The following PCMTD1 variants were observed in gnomAD, a reference collection of about 807,000 sequenced individuals.
PCMTD1 encodes protein-L-isoaspartate (D-aspartate) O-methyltransferase domain containing 1.
Under a neutral mutation model 37.6 loss-of-function variants are expected in PCMTD1, and 12 were observed. That is an observed-to-expected ratio of 0.32 (90% CI 0.20 to 0.52). The LOEUF is 0.52. Among genes scored for constraint, PCMTD1 ranks in the 20% least tolerant of loss-of-function variants. The probability of loss-of-function intolerance (pLI) is 0.97; values close to 1 mark genes in which losing one functional copy is unlikely to be tolerated. For synonymous variants in PCMTD1, 117 were observed against 135.8 expected (o/e 0.86, Z 0.96); for missense variants, 235 against 421.3 (o/e 0.56, Z 3.87).
intron 1 of PCMTD1, chr8:51,895,938 C>CTTTTTTTTT (rs869265261): frequency 7.8e-5 from 2 of 25,736 alleles, no homozygotes; most frequent in African/African-American, 5.8e-5. Flanking sequence ...TGTCCCATTT[C>CTTTTTTTTT]TTTTTTTTTT....
intron 1 of PCMTD1, among the ~76,000 whole-genome samples, chr8:51,869,362 G>C (rs542640570): frequency 6.6e-6 from 1 of 152,138 alleles, no homozygotes; most frequent in Non-Finnish European, 1.5e-5. Context: ...CGGTTCCACA[G>C]ATAACTTTGC....
At chr8:51,853,606 G>A (rs2129283971) in intron 2 of PCMTD1, among the ~76,000 whole-genome samples, 1 of 152,188 alleles carries the variant, frequency 6.6e-6, no homozygotes, top group South Asian at 2.1e-4. Context: ...AGGAAGATAT[G>A]TACATACATA....
intron 3 of PCMTD1, among the ~76,000 whole-genome samples, chr8:51,837,559 G>C (rs2038085612): frequency 6.6e-6 from 1 of 151,946 alleles, no homozygotes; most frequent in Admixed American, 6.6e-5. Flanking sequence ...TTTAAATATG[G>C]CTTAACCTTT....
chr8:51,860,401 T>C (rs2038454270), intron 2 of PCMTD1: 1 of 156,546 alleles, frequency 6.4e-6, no homozygotes, highest in Non-Finnish European at 1.4e-5. Context: ...TATACTTCTT[T>C]CTTCTCTATT....
intron 3 of PCMTD1, among the ~76,000 whole-genome samples, chr8:51,838,133 A>C (rs1585798235): frequency 6.6e-6 from 1 of 152,084 alleles, no homozygotes; most frequent in Admixed American, 6.6e-5. Context: ...ATTCATACCA[A>C]TCAGGTTATA....
intron 1 of PCMTD1, among the ~76,000 whole-genome samples, chr8:51,871,229 A>G (rs1261216872): frequency 6.6e-6 from 1 of 152,220 alleles, no homozygotes; most frequent in East Asian, 1.9e-4. Flanking sequence ...TCCTGAAGTG[A>G]GAGGTGTCTA....
At chr8:51,853,969 A>C (rs773002370) in intron 2 of PCMTD1, among the ~76,000 whole-genome samples, 1 of 152,340 alleles carries the variant, frequency 6.6e-6, no homozygotes, top group East Asian at 1.9e-4. Flanking sequence ...GGCAGTTCAA[A>C]TAAGTATTAG....
intron 1 of PCMTD1, among the ~76,000 whole-genome samples, chr8:51,869,168 A>C (rs1477113777): frequency 6.6e-6 from 1 of 152,198 alleles, no homozygotes; most frequent in Non-Finnish European, 1.5e-5. Context: ...TGTAGTGAAT[A>C]CTGTGATAAT....
intron 1 of PCMTD1, among the ~76,000 whole-genome samples, chr8:51,879,832 G>C (rs2038766922): frequency 6.6e-6 from 1 of 152,006 alleles, no homozygotes; most frequent in African/African-American, 2.4e-5. Context: ...TGTGGCAAAG[G>C]GTTGATAGCC....
At chr8:51,871,737 A>G (rs1010609311) in intron 1 of PCMTD1, among the ~76,000 whole-genome samples, 2 of 152,202 alleles carry the variant, frequency 1.3e-5, no homozygotes, top group Non-Finnish European at 2.9e-5. Context: ...AAAACACATG[A>G]AAGTTATAGT....
chr8:51,847,878 G>C (rs1408406753), intron 2 of PCMTD1, among the ~76,000 whole-genome samples: 1 of 151,762 alleles, frequency 6.6e-6, no homozygotes, highest in Non-Finnish European at 1.5e-5. Flanking sequence ...AGGACTTCGA[G>C]ACCAGCCTGG....
chr8:51,838,456 C>G (rs924786778), intron 3 of PCMTD1, among the ~76,000 whole-genome samples: 1 of 151,912 alleles, frequency 6.6e-6, no homozygotes, highest in Non-Finnish European at 1.5e-5. Context: ...GGCCACTGCA[C>G]TCCAGCCTGT....
chr8:51,881,172 G>A (rs577998495), intron 1 of PCMTD1, among the ~76,000 whole-genome samples: 1 of 152,126 alleles, frequency 6.6e-6, no homozygotes, highest in Admixed American at 6.5e-5. Context: ...TCTGATCATG[G>A]AACAAGCCAA....
chr8:51,876,852 C>T (rs141747821), intron 1 of PCMTD1, among the ~76,000 whole-genome samples: 22 of 152,248 alleles, frequency 1.4e-4, no homozygotes, highest in South Asian at 2.1e-4. Context: ...AGAATGGCAA[C>T]TAATAAATGT....
intron 3 of PCMTD1, among the ~76,000 whole-genome samples, chr8:51,838,190 A>G (rs986394886): frequency 6.6e-6 from 1 of 152,190 alleles, no homozygotes; most frequent in Admixed American, 6.5e-5. Flanking sequence ...GTCTATGATT[A>G]CAATTTTTCA....
intron 5 of PCMTD1, among the ~76,000 whole-genome samples, chr8:51,827,545 T>C (rs187340258): frequency 3.3e-4 from 51 of 152,266 alleles, no homozygotes; most frequent in Non-Finnish European, 4.0e-4. Context: ...GCCTCAGTTA[T>C]CAGATAAAAA....
At chr8:51,844,060 T>C (rs2038183999) in intron 3 of PCMTD1, among the ~76,000 whole-genome samples, 1 of 152,188 alleles carries the variant, frequency 6.6e-6, no homozygotes, top group African/African-American at 2.4e-5. Flanking sequence ...CAAAATTCTA[T>C]AGTTCTAATT....
At chr8:51,869,157 C>G (rs2038603244) in intron 1 of PCMTD1, among the ~76,000 whole-genome samples, 1 of 152,128 alleles carries the variant, frequency 6.6e-6, no homozygotes, top group South Asian at 2.1e-4. Context: ...AAATCGACGT[C>G]TGTAGTGAAT....
At chr8:51,855,238 A>C (rs1336262406) in intron 2 of PCMTD1, among the ~76,000 whole-genome samples, 1 of 151,008 alleles carries the variant, frequency 6.6e-6, no homozygotes, top group African/African-American at 2.4e-5. Context: ...AAAAAAAAAA[A>C]AAAACAGAGC....
Sources: allele counts gnomAD v4.1 joint callset (sites outside exome capture counted in the v4.1 genomes callset), GRCh38; gene constraint gnomAD v4.1.1; transcripts MANE v1.5; gene names NCBI Gene and HGNC (gene_info 2026-07-23, HGNC 2026-07-21).